The following DAPP1 variants were observed in gnomAD, a reference collection of about 807,000 sequenced individuals.
DAPP1 encodes dual adapter for phosphotyrosine and 3-phosphotyrosine and 3-phosphoinositide.
In DAPP1, 20 loss-of-function variants were observed where a neutral mutation model predicts 41.5. The observed-to-expected ratio is 0.48, with a 90% CI of 0.34 to 0.70. The LOEUF is 0.70. Ranked by LOEUF, DAPP1 falls within the 30% of genes least tolerant of loss-of-function variation. The probability of loss-of-function intolerance (pLI) is 0.01; values close to 1 mark genes in which losing one functional copy is unlikely to be tolerated. For synonymous variants in DAPP1, 113 were observed against 116.2 expected, an observed-to-expected ratio of 0.97 and a Z score of 0.18; for missense variants, 233 against 333.4, an observed-to-expected ratio of 0.70 and a Z score of 2.35.
At position 99,863,823 on chromosome 4, in the gene DAPP1, C is replaced by A. The variant is rs3737484; in HGVS notation, c.654C>A (p.Phe218Leu). 1 of 1,595,670 alleles carries A rather than the reference C, an allele frequency of 6.3e-7. No homozygotes were observed. The highest frequency in any genetic ancestry group is 1.1e-5 in the South Asian group (1 of 88,646). The change falls in exon 7 of 9, where the codon TTC becomes TTA. Residue 218 changes from phenylalanine to leucine, a missense_variant. By Grantham distance (22) the Phe-to-Leu change is conservative. Coordinates refer to ENST00000512369, the MANE Select transcript of DAPP1 (RefSeq NM_014395.3). ...TAACAGAATGTTCAGCTGTACAATT[C>A]GATTATTCACAAGAAAGGGTAAACT... is the stretch of plus-strand genomic sequence containing the variant. The part of the protein sequence containing the change: ...LDLTECSAVQ[F>L]DYSQERVNCF...
chr4:99,818,901 G>A (rs1479325687), intron 1 of DAPP1, among the ~76,000 whole-genome samples: 1 of 152,098 alleles, frequency 6.6e-6, no homozygotes, highest in African/African-American at 2.4e-5. Flanking sequence ...TCTGGGGATG[G>A]GTGTTTTCTT....
chr4:99,833,888 C>A, intron 1 of DAPP1, among the ~76,000 whole-genome samples: 1 of 152,138 alleles, frequency 6.6e-6, no homozygotes, highest in East Asian at 1.9e-4. Flanking sequence ...CTTTAGTTGC[C>A]AGGCTTTATG....
chr4:99,857,701 TACACACACACACAC>T lies in DAPP1; in HGVS notation c.490-3855_490-3842del, dbSNP rs140943788. Among the ~76,000 whole-genome samples, 278 of 143,106 alleles carry T rather than the reference TACACACACACACAC, an allele frequency of 1.9e-3. 1 individual carries two copies. The highest frequency in any genetic ancestry group is 6.1e-3 in the African/African-American group (238 of 39,254). The allele number at this position is 143,106 out of a possible 152,430, so 93.9% of individuals were successfully genotyped here. ...AAAAAAAAAAGTATATGTATGTATA[TACACACACACACAC>T]ACACACACACACACACACACATAAA... On this transcript the variant is annotated intron_variant, in intron 4 of 8. Transcript: ENST00000512369.
chr4:99,856,746 T>C (rs1229664354), intron 4 of DAPP1, among the ~76,000 whole-genome samples: 1 of 152,178 alleles, frequency 6.6e-6, no homozygotes, highest in African/African-American at 2.4e-5. Flanking sequence ...TGGGTAAGCG[T>C]TGAAAAATAG....
At chr4:99,839,990 A>G (rs1221025939) in intron 2 of DAPP1, among the ~76,000 whole-genome samples, 1 of 152,210 alleles carries the variant, frequency 6.6e-6, no homozygotes, top group Non-Finnish European at 1.5e-5. Flanking sequence ...TGAATCCAGG[A>G]GGCGGAGGTT....
chr4:99,828,062 A>G (rs569931042), intron 1 of DAPP1, among the ~76,000 whole-genome samples: 13 of 152,372 alleles, frequency 8.5e-5, no homozygotes, highest in African/African-American at 2.9e-4. Context: ...GCTTGCCTAT[A>G]CAAGTACTGA....
At chr4:99,828,321 C>T (rs929386765) in intron 1 of DAPP1, among the ~76,000 whole-genome samples, 1 of 152,124 alleles carries the variant, frequency 6.6e-6, no homozygotes, top group African/African-American at 2.4e-5. Flanking sequence ...ACAATATATT[C>T]AAGTTAATAG....
intron 1 of DAPP1, among the ~76,000 whole-genome samples, chr4:99,831,523 G>A (rs1007960466): frequency 5.3e-5 from 8 of 152,252 alleles, no homozygotes; most frequent in South Asian, 4.1e-4. Flanking sequence ...TCTCCATGTC[G>A]ATGGACATTT....
At position 99,868,196 on chromosome 4, in the gene DAPP1, C is replaced by A. The variant is rs1312638596; in HGVS notation, c.*11C>A. ...TTCATCTTTAAATAGATCTTTCTTG[C>A]CAAGGAATGCTCTGGCCCAGGAGCA... On this transcript the variant is annotated 3_prime_UTR_variant, in exon 9 of 9. Coordinates refer to ENST00000512369, the MANE Select transcript of DAPP1 (RefSeq NM_014395.3). 1.2e-6 allele frequency: 2 copies of A among 1,611,936 alleles called. No homozygotes were observed. The highest frequency in any genetic ancestry group is 3.3e-5 in the Admixed American group (2 of 59,994).
intron 1 of DAPP1, among the ~76,000 whole-genome samples, chr4:99,834,860 G>A (rs1302123445): frequency 6.6e-6 from 1 of 152,166 alleles, no homozygotes; most frequent in African/African-American, 2.4e-5. Context: ...CGAGGGCCGT[G>A]AGGGAGAATC....
At chr4:99,821,544 T>A (rs1164210111) in intron 1 of DAPP1, among the ~76,000 whole-genome samples, 1 of 152,274 alleles carries the variant, frequency 6.6e-6, no homozygotes, top group Non-Finnish European at 1.5e-5. Context: ...TACACATTGC[T>A]GTGAGGTGGG....
rs970506724 is a variant in DAPP1 at position 99,869,689 on chromosome 4, G to A, written c.*1504G>A. The A allele has an allele frequency of 2.6e-5, 4 of 152,224 alleles. No individual in the cohort carries two copies. Among genetic ancestry groups the A allele is most frequent in the Non-Finnish European group, 5.9e-5 (4 of 68,052 alleles). The allele number at this position is 152,224 out of a possible 1,614,324, so 9.4% of individuals were successfully genotyped here. A position where few individuals can be genotyped will look rare whatever the true frequency, so the allele number is the denominator to read the frequency against. ...TCATGCCTGTAATCCCAGGACTTTGGTAGGCCAAGACAAGCAGATCACTTG... is the reference window on the plus strand; with the variant it reads ...TCATGCCTGTAATCCCAGGACTTTGATAGGCCAAGACAAGCAGATCACTTG... On this transcript the variant is annotated 3_prime_UTR_variant, in exon 9 of 9. Coordinates refer to ENST00000512369, the MANE Select transcript of DAPP1 (RefSeq NM_014395.3).
At chr4:99,844,247 A>G (rs546441877) in intron 3 of DAPP1, 17 of 152,344 alleles carry the variant, frequency 1.1e-4, no homozygotes, top group Admixed American at 5.9e-4. Context: ...TCACAGGAAG[A>G]GGAGGGGCCA....
At position 99,858,897 on chromosome 4, in the gene DAPP1, T is replaced by A. The variant is rs75270649; in HGVS notation, c.490-2681T>A. Among the ~76,000 whole-genome samples, 69 of 125,756 alleles carry A rather than the reference T, an allele frequency of 5.5e-4. No homozygotes were observed. In the East Asian group the frequency reaches 0.012, roughly 22 times the overall value. The allele number at this position is 125,756 out of a possible 152,430, so 82.5% of individuals were successfully genotyped here. ...TGTGTTCATATGACCTCAAAAAAAA[T>A]TTTTTTTTTTTGGAGACAGTGTGTC... is the stretch of plus-strand genomic sequence containing the variant. On this transcript the variant is annotated intron_variant, in intron 4 of 8. Transcript: ENST00000512369.
At chr4:99,844,943 C>A (rs1459939914) in intron 3 of DAPP1, among the ~76,000 whole-genome samples, 1 of 152,192 alleles carries the variant, frequency 6.6e-6, no homozygotes, top group Admixed American at 6.5e-5. Flanking sequence ...CTAGTGACAA[C>A]TTAGAATTTT....
At chr4:99,833,936 C>G (rs946787837) in intron 1 of DAPP1, among the ~76,000 whole-genome samples, 2 of 152,202 alleles carry the variant, frequency 1.3e-5, no homozygotes, top group Non-Finnish European at 2.9e-5. Context: ...GCAGGACTCA[C>G]AACTGGCCTA....
chr4:99,840,320 G>T lies in DAPP1; in HGVS notation c.256G>T (p.Glu86Ter). 1 of 1,595,636 alleles carries T rather than the reference G, an allele frequency of 6.3e-7. No individual in the cohort carries two copies. The highest frequency in any genetic ancestry group is 8.6e-7 in the Non-Finnish European group (1 of 1,169,314). The change falls in exon 3 of 9, where the codon GAA becomes TAA. Residue 86 changes from glutamate to a stop codon, truncating the protein, a stop_gained. Coordinates refer to ENST00000512369, the MANE Select transcript of DAPP1 (RefSeq NM_014395.3). LOFTEE classifies it high-confidence loss of function. ...AGATTCTGTTAAACACTTTCATGTT[G>T]AATATACTGGATATTCATTTAAATT... is the stretch of plus-strand genomic sequence containing the variant. Reference protein sequence around the residue: ...AKDSVKHFHVEYTGYSFKFGF... With the variant: ...AKDSVKHFHV
intron 4 of DAPP1, among the ~76,000 whole-genome samples, chr4:99,860,615 G>A (rs1195497259): frequency 6.6e-6 from 1 of 152,042 alleles, no homozygotes; most frequent in Non-Finnish European, 1.5e-5. Flanking sequence ...TCTTTTTATT[G>A]TGGTAGAGAT....
chr4:99,816,900 T>A lies in DAPP1; in HGVS notation c.-14T>A, dbSNP rs1268546286. The stretch of plus-strand genomic sequence containing the variant: ...CCAGTTGTGTCTCTCTCTCTACCTC[T>A]GTGAAGGGCGCGAATGGGCAGAGCA... On this transcript the variant is annotated 5_prime_UTR_variant, in exon 1 of 9. Transcript: ENST00000512369. 1 of 1,598,762 alleles carries A rather than the reference T, an allele frequency of 6.3e-7. No individual in the cohort carries two copies. Among genetic ancestry groups the A allele is most frequent in the Middle Eastern group, 1.7e-4 (1 of 6,036 alleles).
Sources: gnomAD v4.1 joint callset for allele counts (sites outside exome capture counted in the v4.1 genomes callset) on GRCh38, gnomAD v4.1.1 for gene constraint, MANE v1.5 for transcripts, NCBI Gene and HGNC (gene_info 2026-07-23, HGNC 2026-07-21) for gene names.